Variants in SOX5 observed in about 807,000 individuals in gnomAD.
SOX5 encodes SRY-box transcription factor 5.
A neutral mutation model predicts 92.0 loss-of-function variants in SOX5; 9 were observed. The ratio of observed to expected loss-of-function variants is 0.10; its 90% confidence interval spans 0.06 to 0.17. SOX5 has a LOEUF of 0.17. Among genes scored for constraint, SOX5 ranks in the 10% least tolerant of loss-of-function variants. The pLI is 1.00. For synonymous variants in SOX5, 344 were observed against 336.3 expected (o/e 1.02, Z -0.25); for missense variants, 642 against 944.5 (o/e 0.68, Z 4.20).
chr12:23,691,986 G>A (rs2088903534), intron 6 of SOX5, among the ~76,000 whole-genome samples: 1 of 151,832 alleles, frequency 6.6e-6, no homozygotes, highest in African/African-American at 2.4e-5. Flanking sequence ...TATTTACTGA[G>A]ATATAAGAAT....
chr12:23,954,459 AAAAG>A (rs573961368), upstream of SOX5, among the ~76,000 whole-genome samples: 41 of 151,820 alleles, frequency 2.7e-4, no homozygotes, highest in South Asian at 4.2e-4. Flanking sequence ...CTTTCAAAAA[AAAAG>A]AAAGAAAGAA....
intron 8 of SOX5, among the ~76,000 whole-genome samples, chr12:23,628,189 A>G (rs1731357705): frequency 6.6e-6 from 1 of 152,100 alleles, no homozygotes; most frequent in African/African-American, 2.4e-5. Flanking sequence ...TATTTTAGTT[A>G]TACTATTCCT....
chr12:24,203,283 C>T, intron 4 of SOX5, among the ~76,000 whole-genome samples: 1 of 152,136 alleles, frequency 6.6e-6, no homozygotes, highest in East Asian at 1.9e-4. Flanking sequence ...TTACTCCTTC[C>T]CTACTTTCTG....
intron 4 of SOX5, among the ~76,000 whole-genome samples, chr12:24,029,718 C>G (rs893370478): frequency 2.0e-5 from 3 of 151,828 alleles, no homozygotes; most frequent in African/African-American, 4.8e-5. Context: ...ACTTTTAAGT[C>G]CTTATGCTCT....
intron 4 of SOX5, among the ~76,000 whole-genome samples, chr12:24,051,861 G>A (rs984142557): frequency 1.3e-5 from 2 of 152,136 alleles, no homozygotes; most frequent in African/African-American, 4.8e-5. Flanking sequence ...TTAGTAATCT[G>A]TTATACACTG....
chr12:24,313,339 G>C (rs182456242), intron 2 of SOX5, among the ~76,000 whole-genome samples: 3 of 152,134 alleles, frequency 2.0e-5, no homozygotes, highest in Non-Finnish European at 4.4e-5. Context: ...ACTAACCTGG[G>C]CAACAGAGTG....
chr12:23,860,556 T>C (rs1473756545), intron 2 of SOX5, among the ~76,000 whole-genome samples: 1 of 152,174 alleles, frequency 6.6e-6, no homozygotes, highest in Non-Finnish European at 1.5e-5. Flanking sequence ...AATTAGTTTA[T>C]AGCTTGAGCA....
intron 4 of SOX5, among the ~76,000 whole-genome samples, chr12:24,013,399 A>G (rs1205877287): frequency 6.6e-6 from 1 of 152,216 alleles, no homozygotes; most frequent in Non-Finnish European, 1.5e-5. Flanking sequence ...ATTTTAATGA[A>G]AAATGTTCAT....
chr12:24,032,629 A>T (rs1427048053), intron 4 of SOX5, among the ~76,000 whole-genome samples: 1 of 151,868 alleles, frequency 6.6e-6, no homozygotes, highest in African/African-American at 2.4e-5. Context: ...ATTTAAAATC[A>T]ACTTATGCAT....
At chr12:24,268,086 A>G (rs913914937) in intron 3 of SOX5, among the ~76,000 whole-genome samples, 4 of 152,220 alleles carry the variant, frequency 2.6e-5, no homozygotes, top group African/African-American at 9.6e-5. Context: ...TTCTACTGAG[A>G]TGGCATTATG....
chr12:23,690,024 T>A (rs1236259977), intron 6 of SOX5, among the ~76,000 whole-genome samples: 1 of 152,194 alleles, frequency 6.6e-6, no homozygotes, highest in Non-Finnish European at 1.5e-5. Flanking sequence ...GGAATCTGCT[T>A]CTAATGCATA....
At chr12:24,079,977 T>C (rs1943127189) in intron 4 of SOX5, among the ~76,000 whole-genome samples, 1 of 151,974 alleles carries the variant, frequency 6.6e-6, no homozygotes, top group South Asian at 2.1e-4. Flanking sequence ...ATAAACTTTC[T>C]GTGTTGTATA....
chr12:23,691,869 T>C (rs1244908949), intron 6 of SOX5, among the ~76,000 whole-genome samples: 1 of 152,166 alleles, frequency 6.6e-6, no homozygotes, highest in Non-Finnish European at 1.5e-5. Flanking sequence ...TTAATTCCTC[T>C]AGTGCTTATT....
chr12:23,998,657 C>T (rs981375866), intron 4 of SOX5, among the ~76,000 whole-genome samples: 2 of 151,678 alleles, frequency 1.3e-5, no homozygotes, highest in Non-Finnish European at 2.9e-5. Context: ...CAAAAATTAG[C>T]CGGGCATGGT....
At chr12:24,032,137 A>T (rs968132943) in intron 4 of SOX5, among the ~76,000 whole-genome samples, 1 of 151,866 alleles carries the variant, frequency 6.6e-6, no homozygotes, top group Admixed American at 6.6e-5. Flanking sequence ...GGTAACACTG[A>T]AACTGTTGGG....
chr12:23,835,842 A>C (rs73263741), intron 3 of SOX5, among the ~76,000 whole-genome samples: 4 of 151,722 alleles, frequency 2.6e-5, no homozygotes, highest in African/African-American at 9.7e-5. Context: ...AGTGACCCTG[A>C]CTTGGTCACT....
intron 1 of SOX5, among the ~76,000 whole-genome samples, chr12:23,903,921 T>C (rs544804748): frequency 6.6e-5 from 10 of 152,302 alleles, no homozygotes; most frequent in Non-Finnish European, 1.3e-4. Flanking sequence ...AGGTTTCTAA[T>C]TCAAATGAAT....
intron 1 of SOX5, among the ~76,000 whole-genome samples, chr12:23,913,235 T>C (rs2097371064): frequency 6.6e-6 from 1 of 152,196 alleles, no homozygotes; most frequent in African/African-American, 2.4e-5. Context: ...TTAAATTGGA[T>C]TTTTCCCCAA....
intron 2 of SOX5, among the ~76,000 whole-genome samples, chr12:24,344,095 C>T (rs1003522015): frequency 2.2e-4 from 34 of 151,810 alleles, no homozygotes; most frequent in Non-Finnish European, 1.0e-4. Flanking sequence ...CCATCCTGAC[C>T]AACATGGTGA....
Sources: gnomAD v4.1 joint callset for allele counts (sites outside exome capture counted in the v4.1 genomes callset) on GRCh38, gnomAD v4.1.1 for gene constraint, MANE v1.5 for transcripts, NCBI Gene and HGNC (gene_info 2026-07-23, HGNC 2026-07-21) for gene names.